The following UMAD1 variants were observed in gnomAD, a reference collection of about 807,000 sequenced individuals.
UMAD1 encodes UBAP1-MVB12-associated (UMA) domain containing 1, also known as UBAP1-MVB12-associated (UMA)-domain containing protein 1.
In UMAD1, 8 loss-of-function variants were observed where a neutral mutation model predicts 6.1. That is an observed-to-expected ratio of 1.30 (90% CI 0.76 to 2.35). The LOEUF is 2.35. UMAD1 is among the 30% of genes most tolerant of loss of function. The probability of loss-of-function intolerance (pLI) is 0.00; values close to 1 mark genes in which losing one functional copy is unlikely to be tolerated. For missense variants in UMAD1, 130 were observed against 78.4 expected, an observed-to-expected ratio of 1.66 and a Z score of -2.49; for synonymous variants, 56 against 31.4, an observed-to-expected ratio of 1.78 and a Z score of -2.61.
chr7:7,837,602 C>G (rs1783595126), intron 3 of UMAD1, among the ~76,000 whole-genome samples: 1 of 151,438 alleles, frequency 6.6e-6, no homozygotes, highest in Admixed American at 6.6e-5. Context: ...TAGTATAACT[C>G]TAAACTAGTG....
chr7:7,781,380 T>TC (rs200066074), intron 2 of UMAD1, among the ~76,000 whole-genome samples: 4,331 of 151,822 alleles, frequency 0.029, 74 homozygotes, highest in East Asian at 0.083. Context: ...TCTTTTTTTT[T>TC]TAGTGGAAAT....
At chr7:7,851,138 C>A (rs560194710) in intron 3 of UMAD1, among the ~76,000 whole-genome samples, 5 of 152,204 alleles carry the variant, frequency 3.3e-5, no homozygotes, top group Non-Finnish European at 5.9e-5. Flanking sequence ...CTGGTTCATA[C>A]AAATGGAATA....
rs763494736 is a variant in UMAD1 at position 7,839,154 on chromosome 7, G to A, written c.156+37411G>A. ...AGTATCTCGTCATTGTTTAATAAAT[G>A]AAATAAATTACACAGTGGGGATGGA... On this transcript the variant is annotated intron_variant, in intron 3 of 3. Transcript: ENST00000682710. Among the ~76,000 whole-genome samples, 4 of 152,134 alleles carry A rather than the reference G, an allele frequency of 2.6e-5. No homozygotes were observed. In the East Asian group the frequency reaches 7.7e-4, roughly 29 times the overall value.
intron 2 of UMAD1, among the ~76,000 whole-genome samples, chr7:7,782,816 A>C (rs1782374199): frequency 6.7e-6 from 1 of 149,090 alleles, no homozygotes; most frequent in Admixed American, 6.8e-5. Flanking sequence ...GACTCACTGC[A>C]ACCTCTGAGT....
At chr7:7,777,325 T>C (rs909044975) in intron 2 of UMAD1, among the ~76,000 whole-genome samples, 3 of 151,324 alleles carry the variant, frequency 2.0e-5, no homozygotes, top group African/African-American at 7.3e-5. Flanking sequence ...GCCAACATGG[T>C]GAAACCCTAT....
intron 2 of UMAD1, among the ~76,000 whole-genome samples, chr7:7,708,260 CT>C (rs965001070): frequency 6.6e-6 from 1 of 152,132 alleles, no homozygotes; most frequent in Non-Finnish European, 1.5e-5. Context: ...TAAAATGAAT[CT>C]TTTCTTCGTG....
chr7:7,648,885 G>C (rs146723345), intron 1 of UMAD1, among the ~76,000 whole-genome samples: 1 of 151,700 alleles, frequency 6.6e-6, no homozygotes, highest in South Asian at 2.1e-4. Flanking sequence ...AAGGCCGGGC[G>C]CGGTCGCTCA....
chr7:7,700,124 T>C (rs1432822001), intron 2 of UMAD1, among the ~76,000 whole-genome samples: 2 of 152,062 alleles, frequency 1.3e-5, no homozygotes, highest in Non-Finnish European at 2.9e-5. Flanking sequence ...ACAATAGAAA[T>C]GTATTTCTCA....
chr7:7,672,372 G>A (rs1779628144), intron 1 of UMAD1, among the ~76,000 whole-genome samples: 1 of 152,154 alleles, frequency 6.6e-6, no homozygotes, highest in African/African-American at 2.4e-5. Flanking sequence ...GTATTTGTGT[G>A]CGTGTGAGCA....
At chr7:7,648,272 G>C (rs1372980389) in intron 1 of UMAD1, among the ~76,000 whole-genome samples, 1 of 152,182 alleles carries the variant, frequency 6.6e-6, no homozygotes, top group African/African-American at 2.4e-5. Context: ...GTGATTTGCT[G>C]TTTCTCTGCT....
Position 7,834,016 on chromosome 7 carries a change from C to CTTTTTT in UMAD1, c.156+32292_156+32297dup, listed in dbSNP as rs4034895. 1.6e-3 allele frequency among the ~76,000 whole-genome samples: 180 copies of CTTTTTT among 110,456 alleles called. 1 individual carries two copies. The highest frequency in any genetic ancestry group is 6.5e-3 in the Middle Eastern group (1 of 154). The allele number at this position is 110,456 out of a possible 152,430, so 72.5% of individuals were successfully genotyped here. On this transcript the variant is annotated intron_variant, in intron 3 of 3. Transcript: ENST00000682710. Reference sequence around the variant, plus strand: ...CCTAACATTTCTTTCTTTTTCTTTTCTTTTTTTTTTTTTTTTTTTTTTTTG... The same window carrying CTTTTTT: ...CCTAACATTTCTTTCTTTTTCTTTTCTTTTTTTTTTTTTTTTTTTTTTTTTTTTTTG...
At chr7:7,725,705 G>T (rs1406795010) in intron 2 of UMAD1, among the ~76,000 whole-genome samples, 1 of 152,162 alleles carries the variant, frequency 6.6e-6, no homozygotes, top group Non-Finnish European at 1.5e-5. Flanking sequence ...TATGTGATCG[G>T]GCTTGAGCAG....
intron 2 of UMAD1, among the ~76,000 whole-genome samples, chr7:7,765,136 A>G (rs909495960): frequency 1.9e-4 from 29 of 151,836 alleles, no homozygotes; most frequent in Non-Finnish European, 1.0e-4. Flanking sequence ...CTTTCTACTT[A>G]TGTCAGTGAG....
intron 2 of UMAD1, among the ~76,000 whole-genome samples, chr7:7,799,093 T>C (rs1782746434): frequency 6.6e-6 from 1 of 152,226 alleles, no homozygotes; most frequent in African/African-American, 2.4e-5. Flanking sequence ...TTTATTTTTA[T>C]AGTATTTAAC....
intron 2 of UMAD1, among the ~76,000 whole-genome samples, chr7:7,785,355 C>T (rs114475866): frequency 2.1e-3 from 325 of 152,246 alleles, no homozygotes; most frequent in African/African-American, 7.4e-3. Context: ...CACAGAGTAG[C>T]ACACCTGAAC....
At chr7:7,871,043 C>T (rs1218709957) in intron 3 of UMAD1, among the ~76,000 whole-genome samples, 1 of 152,188 alleles carries the variant, frequency 6.6e-6, no homozygotes, top group Non-Finnish European at 1.5e-5. Context: ...ATTATCAACT[C>T]ACAGACAATT....
intron 3 of UMAD1, among the ~76,000 whole-genome samples, chr7:7,841,314 C>CTTTTT (rs35468754): frequency 2.3e-4 from 32 of 136,798 alleles, no homozygotes; most frequent in South Asian, 7.0e-4. Flanking sequence ...AACAAGTGAT[C>CTTTTT]TTTTTTTTTT....
chr7:7,692,843 G>A (rs905172371), intron 2 of UMAD1, among the ~76,000 whole-genome samples: 6 of 152,140 alleles, frequency 3.9e-5, no homozygotes, highest in African/African-American at 7.2e-5. Flanking sequence ...TCTTGACCTC[G>A]TGATCTGCCT....
intron 1 of UMAD1, among the ~76,000 whole-genome samples, chr7:7,645,436 C>G (rs1785071498): frequency 6.6e-6 from 1 of 152,184 alleles, no homozygotes. Context: ...GTTCTACATT[C>G]AATATCTAGT....
Sources: gnomAD v4.1 joint callset for allele counts (sites outside exome capture counted in the v4.1 genomes callset) on GRCh38, gnomAD v4.1.1 for gene constraint, MANE v1.5 for transcripts, NCBI Gene and HGNC (gene_info 2026-07-23, HGNC 2026-07-21) for gene names.